The following ITGAV variants were observed in gnomAD, a reference collection of about 807,000 sequenced individuals.
ITGAV encodes the protein integrin subunit alpha V, also known as integrin alpha-V.
A neutral mutation model predicts 143.8 loss-of-function variants in ITGAV; 76 were observed. That is an observed-to-expected ratio of 0.53 (90% CI 0.44 to 0.64). The LOEUF is 0.64. Among genes scored for constraint, ITGAV ranks in the 30% least tolerant of loss-of-function variants. The pLI is 0.00. For missense variants in ITGAV, 1,193 were observed against 1,274.7 expected (o/e 0.94, Z 0.98); for synonymous variants, 453 against 446.7 (o/e 1.01, Z -0.18).
intron 2 of ITGAV, among the ~76,000 whole-genome samples, chr2:186,609,900 T>C (rs1687168011): frequency 6.6e-6 from 1 of 151,988 alleles, no homozygotes; most frequent in South Asian, 2.1e-4. Context: ...AGGAAAGATA[T>C]AAATGAGTTT....
chr2:186,633,356 G>T lies in ITGAV; in HGVS notation c.613G>T (p.Gly205Cys). Residue 205 changes from glycine to cysteine, a missense_variant, in exon 6 of 30, where the codon GGT (glycine) becomes TGT (cysteine). By Grantham distance (159) the Gly-to-Cys change is radical (BLOSUM62 -3). Transcript: ENST00000261023. ...TGACAGAGTACTTCTTGGTGGTCCT[G>T]GTAGCTTTTATTGGCAAGGTAGGTT... Reference protein sequence around the residue: ...KADRVLLGGPGSFYWQGQLIS... With the variant: ...KADRVLLGGPCSFYWQGQLIS... 1 of 1,586,772 alleles carries T rather than the reference G, an allele frequency of 6.3e-7. No individual in the cohort carries two copies.
chr2:186,596,065 G>C (rs1574456849), intron 1 of ITGAV, among the ~76,000 whole-genome samples: 2 of 152,236 alleles, frequency 1.3e-5, no homozygotes, highest in Admixed American at 1.3e-4. Flanking sequence ...GGCATCAATT[G>C]TTTTCAGGAC....
At chr2:186,675,428 C>T (rs962767359) in intron 26 of ITGAV, among the ~76,000 whole-genome samples, 176 bp from the exon 27 acceptor site, 12 of 152,044 alleles carry the variant, frequency 7.9e-5, no homozygotes, top group African/African-American at 2.9e-4. Context: ...ACATACCAAC[C>T]CCTTCACAAT....
At chr2:186,618,633 T>C (rs906559967) in intron 2 of ITGAV, among the ~76,000 whole-genome samples, 1 of 152,192 alleles carries the variant, frequency 6.6e-6, no homozygotes, top group Non-Finnish European at 1.5e-5. Flanking sequence ...AGAAAAACAT[T>C]CATGGAGGTA....
rs186738638 is a variant in ITGAV at position 186,655,766 on chromosome 2, G to T, written c.1565-481G>T. Among the ~76,000 whole-genome samples the T allele has an allele frequency of 4.9e-4, 74 of 152,250 alleles. 1 individual carries two copies. The highest frequency in any genetic ancestry group is 9.3e-4 in the Non-Finnish European group (63 of 68,022). Reference sequence around the variant, plus strand: ...GCATATTCATCTGACAGTTTGATATGATAGCTTCACTGGAAGCAGGAGTTT... The same window carrying T: ...GCATATTCATCTGACAGTTTGATATTATAGCTTCACTGGAAGCAGGAGTTT... On this transcript the variant is annotated intron_variant, in intron 16 of 29. Coordinates refer to ENST00000261023, the MANE Select transcript of ITGAV (RefSeq NM_002210.5).
intron 18 of ITGAV, 141 bp downstream of exon 18, chr2:186,659,316 A>AT (rs570355135): frequency 2.2e-3 from 1,351 of 606,922 alleles, no homozygotes; most frequent in South Asian, 2.9e-3. Flanking sequence ...TGAATTTTCT[A>AT]TTTTTTTTTC....
Position 186,663,803 on chromosome 2 carries a change from C to A in ITGAV, c.1893C>A (p.Val631=), listed in dbSNP as rs1226118734. 1.2e-6 allele frequency: 2 copies of A among 1,612,946 alleles called. No homozygotes were observed. Among genetic ancestry groups the A allele is most frequent in the Middle Eastern group, 1.7e-4 (1 of 6,054 alleles). ...HILLDCGEDN[V]CKPKLEVSVD... is the part of the protein sequence containing the mutation. Reference sequence around the variant, plus strand: ...TACTTGACTGTGGTGAAGACAATGTCTGTAAACCCAAGCTGGAAGTTTCTG... The same window carrying A: ...TACTTGACTGTGGTGAAGACAATGTATGTAAACCCAAGCTGGAAGTTTCTG... Residue 631 remains valine, a synonymous_variant, in exon 19 of 30, where the codon GTC becomes GTA. Transcript: ENST00000261023.
At chr2:186,668,639 A>T in intron 24 of ITGAV, 123 bp from the exon 25 acceptor site, 1 of 773,024 alleles carries the variant, frequency 1.3e-6, no homozygotes, top group Non-Finnish European at 2.2e-6. Context: ...ATTAGAGGTT[A>T]ACTGTGGAAA....
chr2:186,635,603 A>G (rs147799643), intron 6 of ITGAV, among the ~76,000 whole-genome samples: 70 of 152,352 alleles, frequency 4.6e-4, no homozygotes, highest in African/African-American at 1.5e-3. Context: ...GTAGTCATCT[A>G]GATTTCTTGT....
At chr2:186,663,583 T>C (rs1187822101) in intron 18 of ITGAV, among the ~76,000 whole-genome samples, 185 bp from the exon 19 acceptor site, 1 of 152,192 alleles carries the variant, frequency 6.6e-6, no homozygotes, top group Non-Finnish European at 1.5e-5. Flanking sequence ...CTGGCTACAC[T>C]GACCTGCTTA....
intron 2 of ITGAV, among the ~76,000 whole-genome samples, chr2:186,611,162 G>C (rs1687205863): frequency 6.6e-6 from 1 of 151,932 alleles, no homozygotes; most frequent in Non-Finnish European, 1.5e-5. Flanking sequence ...CTCGAACATT[G>C]ACCCTACTGC....
intron 4 of ITGAV, among the ~76,000 whole-genome samples, chr2:186,629,588 T>TA (rs957903153): frequency 2.0e-5 from 3 of 151,950 alleles, no homozygotes; most frequent in African/African-American, 7.2e-5. Flanking sequence ...AAAAAAACTT[T>TA]AAAAAAATTT....
chr2:186,628,093 T>A (rs1161829509), intron 4 of ITGAV, among the ~76,000 whole-genome samples: 1 of 152,144 alleles, frequency 6.6e-6, no homozygotes, highest in Non-Finnish European at 1.5e-5. Flanking sequence ...ACCTAACCAC[T>A]CTGGGCCTTT....
intron 13 of ITGAV, among the ~76,000 whole-genome samples, chr2:186,648,728 C>T (rs574200366): frequency 1.2e-3 from 176 of 151,926 alleles, no homozygotes; most frequent in African/African-American, 1.6e-3. Context: ...CTCCTGACTT[C>T]GTGATCTGCC....
rs193082220 is a variant in ITGAV at position 186,622,938 on chromosome 2, G to C, written c.408+508G>C. Among the ~76,000 whole-genome samples, 95 of 151,850 alleles carry C rather than the reference G, an allele frequency of 6.3e-4. No homozygotes were observed. The Middle Eastern group carries it at 0.01, about 16-fold the overall frequency. On this transcript the variant is annotated intron_variant, in intron 3 of 29. Coordinates refer to ENST00000261023, the MANE Select transcript of ITGAV (RefSeq NM_002210.5). ...CCACCAGGCCTGGCTAATTTTTGTA[G>C]TTTTTAGTAGAGACAGGGTTTCGCC...
chr2:186,625,587 C>G lies in ITGAV; in HGVS notation c.523C>G (p.Gln175Glu). 1 of 1,600,422 alleles carries G rather than the reference C, an allele frequency of 6.2e-7. No homozygotes were observed. Among genetic ancestry groups the G allele is most frequent in the Non-Finnish European group, 8.6e-7 (1 of 1,169,336 alleles). The change falls in exon 4 of 30, where the codon CAA becomes GAA. Residue 175 changes from glutamine (Q) to glutamate (E), a missense_variant and splice_region_variant. Gln to Glu is a conservative substitution (Grantham distance 29). Coordinates refer to ENST00000261023, the MANE Select transcript of ITGAV (RefSeq NM_002210.5). ...TGTTGAGTATGCTCCATGTAGATCACGTATGTATAGGATATTGTACCAGCT... is the reference window on the plus strand; with the variant it reads ...TGTTGAGTATGCTCCATGTAGATCAGGTATGTATAGGATATTGTACCAGCT... ...KTVEYAPCRS[Q>E]DIDADGQGFC...
chr2:186,644,931 A>G (rs1181850074), intron 12 of ITGAV, among the ~76,000 whole-genome samples: 1 of 152,186 alleles, frequency 6.6e-6, no homozygotes, highest in African/African-American at 2.4e-5. Flanking sequence ...CAGGGGAGCC[A>G]GGAGATGATG....
intron 4 of ITGAV, among the ~76,000 whole-genome samples, chr2:186,629,723 G>T (rs1334225883): frequency 6.6e-6 from 1 of 151,952 alleles, no homozygotes; most frequent in Non-Finnish European, 1.5e-5. Context: ...GATATTTTTG[G>T]TTCCTGTATT....
At chr2:186,646,246 C>T (rs2105718489) in intron 12 of ITGAV, among the ~76,000 whole-genome samples, 1 of 152,192 alleles carries the variant, frequency 6.6e-6, no homozygotes, top group Non-Finnish European at 1.5e-5. Context: ...CAATACCATC[C>T]ATAAATAAAT....
Sources: allele counts gnomAD v4.1 joint callset (sites outside exome capture counted in the v4.1 genomes callset), GRCh38; gene constraint gnomAD v4.1.1; transcripts MANE v1.5; gene names NCBI Gene and HGNC (gene_info 2026-07-23, HGNC 2026-07-21).